Variants in RSRC1 observed in about 807,000 individuals in gnomAD.
The protein encoded by RSRC1 is serine/Arginine-related protein 53.
In RSRC1, 39 loss-of-function variants were observed where a neutral mutation model predicts 49.1. The observed-to-expected ratio is 0.79, with a 90% CI of 0.61 to 1.04. RSRC1 has a LOEUF of 1.04. Among genes scored for constraint, RSRC1 ranks in the 50% least tolerant of loss-of-function variants. The pLI is 0.00. For synonymous variants in RSRC1, 143 were observed against 130.8 expected (o/e 1.09, Z -0.63); for missense variants, 388 against 402.4 (o/e 0.96, Z 0.31).
chr3:158,204,092 T>C (rs1446506632), intron 4 of RSRC1, among the ~76,000 whole-genome samples: 4 of 152,192 alleles, frequency 2.6e-5, no homozygotes, highest in African/African-American at 9.6e-5. Flanking sequence ...AATGTGTTTA[T>C]ATTTAATGTA....
intron 3 of RSRC1, among the ~76,000 whole-genome samples, chr3:158,171,028 G>A (rs564867994): frequency 7.9e-5 from 12 of 151,936 alleles, no homozygotes; most frequent in Non-Finnish European, 1.3e-4. Flanking sequence ...CAGAATTTAG[G>A]AGTAACCCCA....
chr3:158,120,050 C>T (rs1399098578), intron 1 of RSRC1, among the ~76,000 whole-genome samples: 1 of 151,944 alleles, frequency 6.6e-6, no homozygotes, highest in Non-Finnish European at 1.5e-5. Flanking sequence ...AGGCTGGTCT[C>T]GAACTCCTGA....
At chr3:158,240,167 T>C (rs1303038451) in intron 4 of RSRC1, among the ~76,000 whole-genome samples, 2 of 152,180 alleles carry the variant, frequency 1.3e-5, no homozygotes, top group African/African-American at 4.8e-5. Flanking sequence ...GTTGCCTGTC[T>C]GCCTATTACA....
At chr3:158,476,946 C>T (rs139476392) in intron 7 of RSRC1, among the ~76,000 whole-genome samples, 95 of 152,238 alleles carry the variant, frequency 6.2e-4, no homozygotes, top group African/African-American at 2.2e-3. Context: ...GCAATATTAA[C>T]AGGAATTTGG....
At chr3:158,521,778 T>C (rs1560074969) in intron 7 of RSRC1, among the ~76,000 whole-genome samples, 1 of 152,108 alleles carries the variant, frequency 6.6e-6, no homozygotes, top group Non-Finnish European at 1.5e-5. Flanking sequence ...AATAATAATA[T>C]TGTTCCTATA....
chr3:158,405,060 A>G (rs1181041123), intron 6 of RSRC1, among the ~76,000 whole-genome samples: 1 of 152,064 alleles, frequency 6.6e-6, no homozygotes, highest in African/African-American at 2.4e-5. Flanking sequence ...CTTAAAGCTT[A>G]TTCTGGTAGA....
chr3:158,313,803 T>G (rs1730041), intron 5 of RSRC1, among the ~76,000 whole-genome samples: 105,959 of 152,104 alleles, frequency 0.7, 37,401 homozygotes, highest in East Asian at 0.85. Flanking sequence ...AAGAAATTAT[T>G]ATGGCTGTAT....
intron 5 of RSRC1, among the ~76,000 whole-genome samples, chr3:158,306,133 C>T (rs1004592343): frequency 5.3e-5 from 8 of 151,732 alleles, no homozygotes; most frequent in Non-Finnish European, 7.4e-5. Context: ...TACCTTAATA[C>T]GTGTTCATTG....
chr3:158,508,725 C>T (rs1039190240), intron 7 of RSRC1, among the ~76,000 whole-genome samples: 40 of 152,140 alleles, frequency 2.6e-4, no homozygotes, highest in African/African-American at 9.2e-4. Flanking sequence ...TATACACTAC[C>T]GCTCATTAGT....
chr3:158,292,503 C>T (rs1726993119), intron 4 of RSRC1, among the ~76,000 whole-genome samples: 1 of 152,156 alleles, frequency 6.6e-6, no homozygotes, highest in Non-Finnish European at 1.5e-5. Flanking sequence ...CCATTTTCCA[C>T]TTCAGGACCA....
chr3:158,422,910 T>A (rs1735164111), intron 6 of RSRC1, among the ~76,000 whole-genome samples: 2 of 152,050 alleles, frequency 1.3e-5, no homozygotes, highest in South Asian at 4.1e-4. Flanking sequence ...TTCGCCCACT[T>A]TTTGATGGGG....
chr3:158,359,194 G>GT (rs1731339261), intron 6 of RSRC1, among the ~76,000 whole-genome samples: 1 of 152,148 alleles, frequency 6.6e-6, no homozygotes, highest in Non-Finnish European at 1.5e-5. Flanking sequence ...GTATAAAACA[G>GT]TTCTCTATTG....
At chr3:158,360,378 G>A (rs9872642) in intron 6 of RSRC1, among the ~76,000 whole-genome samples, 11,216 of 152,118 alleles carry the variant, frequency 0.074, 1,429 homozygotes, top group African/African-American at 0.26. Flanking sequence ...TCCCCACTCC[G>A]GTCCATAGGA....
At chr3:158,370,586 AT>A (rs1001180773) in intron 6 of RSRC1, among the ~76,000 whole-genome samples, 6 of 147,342 alleles carry the variant, frequency 4.1e-5, no homozygotes, top group East Asian at 2.0e-4. Flanking sequence ...GTGAGCATTC[AT>A]TTTTTTTTTA....
intron 7 of RSRC1, among the ~76,000 whole-genome samples, chr3:158,518,511 A>T (rs1740731161): frequency 6.6e-6 from 1 of 151,860 alleles, no homozygotes; most frequent in Non-Finnish European, 1.5e-5. Context: ...AAAATATTTA[A>T]TATTCTTGTT....
intron 7 of RSRC1, among the ~76,000 whole-genome samples, chr3:158,496,376 A>C (rs1739321733): frequency 6.6e-6 from 1 of 152,152 alleles, no homozygotes; most frequent in Admixed American, 6.5e-5. Context: ...GATAGGGACT[A>C]AGGATTGCAG....
At chr3:158,338,903 T>C (rs1730066436) in intron 5 of RSRC1, among the ~76,000 whole-genome samples, 1 of 152,324 alleles carries the variant, frequency 6.6e-6, no homozygotes, top group Non-Finnish European at 1.5e-5. Context: ...TTAGGAATGT[T>C]GTGAGAATTT....
At chr3:158,176,140 T>G (rs921438639) in intron 3 of RSRC1, among the ~76,000 whole-genome samples, 3 of 151,944 alleles carry the variant, frequency 2.0e-5, no homozygotes, top group Admixed American at 6.6e-5. Flanking sequence ...CACTGCTCAA[T>G]GAAATAAAAG....
chr3:158,438,692 G>A (rs144341524), intron 6 of RSRC1, among the ~76,000 whole-genome samples: 2,468 of 152,204 alleles, frequency 0.016, 57 homozygotes, highest in African/African-American at 0.057. Context: ...AGACCTAAAT[G>A]TTAGACCTAA....
Sources: gnomAD v4.1 joint callset for allele counts (sites outside exome capture counted in the v4.1 genomes callset) on GRCh38, gnomAD v4.1.1 for gene constraint, MANE v1.5 for transcripts, NCBI Gene and HGNC (gene_info 2026-07-23, HGNC 2026-07-21) for gene names.